UBR1: variants seen among roughly 807,000 people sequenced by gnomAD.
The protein encoded by UBR1 is ubiquitin protein ligase E3 component n-recognin 1, also known as E3 ubiquitin-protein ligase UBR1.
Under a neutral mutation model 242.1 loss-of-function variants are expected in UBR1, and 102 were observed. The ratio of observed to expected loss-of-function variants is 0.42; its 90% CI spans 0.36 to 0.50. The LOEUF (loss-of-function observed/expected upper bound fraction) is 0.50, where lower values mean the gene tolerates loss of function less well. UBR1 is among the 20% of genes least tolerant of loss of function. UBR1 has a pLI of 0.01. For missense variants in UBR1, 1,772 were observed against 2,101.8 expected, an observed-to-expected ratio of 0.84 and a Z score of 3.07; for synonymous variants, 675 against 684.8, an observed-to-expected ratio of 0.99 and a Z score of 0.22.
intron 12 of UBR1, among the ~76,000 whole-genome samples, chr15:43,052,845 A>C (rs2033573160): frequency 6.6e-6 from 1 of 152,212 alleles, no homozygotes; most frequent in Non-Finnish European, 1.5e-5. Flanking sequence ...GTATCCTGTG[A>C]GGCTACATGA....
rs1182077139 is a variant in UBR1, at chr15:43,003,930, T to C, written c.3416A>G (p.Glu1139Gly). 1.2e-6 allele frequency: 2 copies of C among 1,613,962 alleles called. No homozygotes were observed. Among genetic ancestry groups the C allele is most frequent in the East Asian group, 4.5e-5 (2 of 44,868 alleles). ...HRGKPIELSG[E>G]ALDPLFMDPD... ...ATCCATGAAAAGTGGGTCTAGGGCT[T>C]CTGGTACAAGGTATAAAAAGGAGGG... is the stretch of plus-strand genomic sequence containing the variant. The change falls in exon 31 of 47, where the codon GAA becomes GGA. Residue 1139 changes from glutamate (E) to glycine (G), a missense_variant and splice_region_variant. By Grantham distance (98) the Glu-to-Gly change is moderately conservative (BLOSUM62 -2). Around this residue, in one of 3 missense-constraint regions of UBR1, gnomAD observed 965 missense variants for 1,079.7 expected, o/e 0.89. Coordinates refer to ENST00000290650, the MANE Select transcript of UBR1 (RefSeq NM_174916.3).
chr15:43,052,875 G>A (rs964028587), intron 12 of UBR1, among the ~76,000 whole-genome samples: 2 of 152,168 alleles, frequency 1.3e-5, no homozygotes, highest in African/African-American at 4.8e-5. Flanking sequence ...AGGAACATGA[G>A]TTTTACAGAT....
At chr15:43,039,624 A>C (rs1332182992) in intron 15 of UBR1, among the ~76,000 whole-genome samples, 2 of 152,210 alleles carry the variant, frequency 1.3e-5, no homozygotes, top group African/African-American at 4.8e-5. Context: ...TCATCTGCAA[A>C]CAGGGACACT....
intron 32 of UBR1, among the ~76,000 whole-genome samples, chr15:42,999,223 G>A (rs2032687031): frequency 6.6e-6 from 1 of 152,164 alleles, no homozygotes. Context: ...ACAGGCGTGG[G>A]CCACCACACC....
intron 6 of UBR1, among the ~76,000 whole-genome samples, chr15:43,062,775 T>C (rs1360975353): frequency 2.6e-5 from 4 of 151,926 alleles, no homozygotes; most frequent in African/African-American, 9.7e-5. Flanking sequence ...GACCAAAAAA[T>C]ACAGGGGTGG....
chr15:43,085,241 T>C lies in UBR1; in HGVS notation c.338+743A>G, dbSNP rs932768795. 4.6e-5 allele frequency among the ~76,000 whole-genome samples: 7 copies of C among 152,242 alleles called. No homozygotes were observed. In the East Asian group the frequency reaches 1.3e-3, roughly 29 times the overall value. Reference sequence around the variant, plus strand: ...TACAGGCATGATTTATACTACTTGTTATGAATATTCACAGATTTCTTAAAG... The same window carrying C: ...TACAGGCATGATTTATACTACTTGTCATGAATATTCACAGATTTCTTAAAG... On this transcript the variant is annotated intron_variant, in intron 2 of 46. Transcript: ENST00000290650.
rs542338738 is a variant in UBR1, at chr15:43,058,941, A to G, written c.1093+144T>C. ...CAAAGAATACATACTGACTGGTTAAACTTTATATTCACATGTAGTATCTTA... is the reference window on the plus strand; with the variant it reads ...CAAAGAATACATACTGACTGGTTAAGCTTTATATTCACATGTAGTATCTTA... On this transcript the variant is annotated intron_variant, in intron 9 of 46. Coordinates refer to ENST00000290650, the MANE Select transcript of UBR1 (RefSeq NM_174916.3). The G allele has an allele frequency of 7.3e-5, 54 of 738,774 alleles. No homozygotes were observed. In the Middle Eastern group the frequency reaches 1.9e-3, roughly 26 times the overall value. 45.8% of individuals were successfully genotyped at this position (738,774 alleles called of 1,614,324 possible).
chr15:43,041,607 C>CA (rs1186109060), intron 15 of UBR1, among the ~76,000 whole-genome samples: 6 of 150,480 alleles, frequency 4.0e-5, no homozygotes, highest in Admixed American at 2.6e-4. Context: ...AACAAAAAAA[C>CA]AAAAAAAAAT....
At chr15:43,015,585 T>G (rs1306964428) in intron 29 of UBR1, 103 bp downstream of exon 29, 9 of 1,284,606 alleles carry the variant, frequency 7.0e-6, no homozygotes, top group Non-Finnish European at 7.8e-6. Context: ...CCTCCACTAT[T>G]GTCCTATGAC....
chr15:43,029,583 T>C (rs548088420), intron 21 of UBR1, among the ~76,000 whole-genome samples: 58 of 152,328 alleles, frequency 3.8e-4, no homozygotes, highest in Admixed American at 2.5e-3. Context: ...CAGAATCTGA[T>C]GGCTCCCCTT....
chr15:43,070,952 T>C (rs187994466), intron 4 of UBR1, 27 bp from the exon 5 acceptor site: 86 of 1,610,284 alleles, frequency 5.3e-5, no homozygotes, highest in Non-Finnish European at 7.0e-5. Context: ...AAAAACATAC[T>C]AGTCAAGATT....
chr15:43,060,882 C>T (rs2033675418), intron 6 of UBR1, among the ~76,000 whole-genome samples: 1 of 146,040 alleles, frequency 6.8e-6, no homozygotes, highest in Non-Finnish European at 1.5e-5. Context: ...AGTACATAAG[C>T]ATAAGAACTA....
intron 44 of UBR1, among the ~76,000 whole-genome samples, chr15:42,954,704 C>T (rs1596073686): frequency 6.6e-6 from 1 of 152,132 alleles, no homozygotes; most frequent in African/African-American, 2.4e-5. Flanking sequence ...GTAGCTGGAA[C>T]TACAGGATGC....
At chr15:42,980,009 G>C (rs1377920777) in intron 37 of UBR1, among the ~76,000 whole-genome samples, 2 of 152,094 alleles carry the variant, frequency 1.3e-5, no homozygotes, top group East Asian at 3.8e-4. Context: ...GCTGTTTCTA[G>C]GTCCCATTTC....
At chr15:43,055,850 G>A (rs2033611770) in intron 11 of UBR1, among the ~76,000 whole-genome samples, 1 of 152,156 alleles carries the variant, frequency 6.6e-6, no homozygotes, top group Admixed American at 6.5e-5. Context: ...GGGAGGCGGA[G>A]GCTGCAGTGA....
rs775137771 is a variant in UBR1 at position 43,058,336 on chromosome 15, A to T, written c.1182+5T>A. On this transcript the variant is annotated splice_donor_5th_base_variant and intron_variant, in intron 10 of 46. Coordinates refer to ENST00000290650, the MANE Select transcript of UBR1 (RefSeq NM_174916.3). ...TTTATTGATATCTAATTTATAAATA[A>T]TTACCTTCACAAATTCCATAGCAAA... The T allele has an allele frequency of 5.7e-6, 9 of 1,566,952 alleles. No homozygotes were observed. In the South Asian group the frequency reaches 9.1e-5, roughly 16 times the overall value.
chr15:43,063,977 C>T (rs2033718720), intron 6 of UBR1, among the ~76,000 whole-genome samples: 1 of 152,208 alleles, frequency 6.6e-6, no homozygotes, highest in Admixed American at 6.5e-5. Flanking sequence ...CTCAGGAGAT[C>T]CGCCCACCTC....
intron 23 of UBR1, chr15:43,025,807 A>G (rs753764225): frequency 3.0e-5 from 6 of 202,642 alleles, no homozygotes; most frequent in Non-Finnish European, 6.0e-5. Flanking sequence ...TATGTGCCTA[A>G]TAATGGGATG....
chr15:43,054,314 G>A (rs2033590826), intron 12 of UBR1, among the ~76,000 whole-genome samples: 1 of 151,714 alleles, frequency 6.6e-6, no homozygotes, highest in Non-Finnish European at 1.5e-5. Context: ...TTGCATCACT[G>A]CACTCCAGCT....
Sources: allele counts gnomAD v4.1 joint callset (sites outside exome capture counted in the v4.1 genomes callset), GRCh38; gene constraint gnomAD v4.1.1; regional missense constraint gnomAD v4.1.1; transcripts MANE v1.5; gene names NCBI Gene and HGNC (gene_info 2026-07-23, HGNC 2026-07-21).